The following LRP12 variants were observed in gnomAD, a reference collection of about 807,000 sequenced individuals.
LRP12 encodes LDL receptor related protein 12.
LRP12 carries 14 observed loss-of-function variants against 66.0 expected under a neutral mutation model. That is an observed-to-expected ratio of 0.21 (90% confidence interval 0.14 to 0.33). LRP12 has a LOEUF of 0.33. Among genes scored for constraint, LRP12 ranks in the 10% least tolerant of loss-of-function variants. The probability of loss-of-function intolerance (pLI) is 1.00; values close to 1 mark genes in which losing one functional copy is unlikely to be tolerated. For missense variants in LRP12, 889 were observed against 1,053.4 expected (o/e 0.84, Z 2.16); for synonymous variants, 357 against 359.1 (o/e 0.99, Z 0.07).
At chr8:104,586,504 C>A (rs1219620783) in intron 1 of LRP12, among the ~76,000 whole-genome samples, 1 of 152,192 alleles carries the variant, frequency 6.6e-6, no homozygotes, top group Non-Finnish European at 1.5e-5. Flanking sequence ...AAAACACACA[C>A]ACACTTTTTA....
intron 2 of LRP12, among the ~76,000 whole-genome samples, chr8:104,518,381 TG>T (rs1564133971): frequency 6.6e-6 from 1 of 152,006 alleles, no homozygotes; most frequent in African/African-American, 2.4e-5. Context: ...GTCTCAGAGC[TG>T]GGATGGAACC....
chr8:104,576,489 C>T (rs1454415046), intron 1 of LRP12, among the ~76,000 whole-genome samples: 2 of 152,094 alleles, frequency 1.3e-5, no homozygotes, highest in African/African-American at 4.8e-5. Flanking sequence ...AATTCCAGCC[C>T]AGAATTTCAT....
At chr8:104,495,248 G>A (rs767117777) in intron 5 of LRP12, 39 bp from the exon 6 acceptor site, 1 of 1,586,542 alleles carries the variant, frequency 6.3e-7, no homozygotes, top group Non-Finnish European at 8.6e-7. Context: ...TTAAAAGGGG[G>A]AGCGAAGAAA....
At chr8:104,579,959 C>T (rs755185760) in intron 1 of LRP12, among the ~76,000 whole-genome samples, 2 of 151,988 alleles carry the variant, frequency 1.3e-5, no homozygotes, top group Non-Finnish European at 2.9e-5. Flanking sequence ...AATATAAAAC[C>T]CAAAACTATA....
intron 6 of LRP12, 25 bp downstream of exon 6, chr8:104,495,052 A>C (rs1301163281): frequency 6.2e-7 from 1 of 1,601,756 alleles, no homozygotes; most frequent in African/African-American, 1.3e-5. Context: ...AGGAAATGTA[A>C]TAGAAATTAC....
intron 1 of LRP12, among the ~76,000 whole-genome samples, chr8:104,569,110 C>T (rs1040547348): frequency 4.6e-5 from 7 of 152,130 alleles, no homozygotes; most frequent in Non-Finnish European, 1.0e-4. Flanking sequence ...ATGTTACAGT[C>T]ATGCTATGAC....
intron 2 of LRP12, among the ~76,000 whole-genome samples, chr8:104,515,519 C>G (rs915092877): frequency 1.3e-5 from 2 of 152,066 alleles, no homozygotes; most frequent in African/African-American, 4.8e-5. Flanking sequence ...TGGTTTTTGT[C>G]TCTATTAAGC....
intron 1 of LRP12, among the ~76,000 whole-genome samples, chr8:104,541,491 A>AGCTTTATT (rs1356891832): frequency 6.6e-6 from 1 of 152,220 alleles, no homozygotes; most frequent in Non-Finnish European, 1.5e-5. Context: ...TTACAGTAAC[A>AGCTTTATT]GCTTTATTGA....
At chr8:104,506,884 A>G (rs888748275) in intron 3 of LRP12, 1 of 152,184 alleles carries the variant, frequency 6.6e-6, no homozygotes, top group African/African-American at 2.4e-5. Flanking sequence ...TCCCTCTTCT[A>G]TCCAGATTTT....
chr8:104,588,703 G>A, intron 1 of LRP12, 116 bp downstream of exon 1: 2 of 776,358 alleles, frequency 2.6e-6, no homozygotes, highest in East Asian at 3.1e-5. Context: ...TCTTTGTCCC[G>A]CCGGTAGCCA....
At chr8:104,578,383 A>T (rs1323433996) in intron 1 of LRP12, among the ~76,000 whole-genome samples, 2 of 152,214 alleles carry the variant, frequency 1.3e-5, no homozygotes, top group Non-Finnish European at 2.9e-5. Flanking sequence ...ACAAACTCTG[A>T]AATTAAGTCA....
At chr8:104,570,572 A>G (rs981518383) in intron 1 of LRP12, among the ~76,000 whole-genome samples, 2 of 152,222 alleles carry the variant, frequency 1.3e-5, no homozygotes, top group Non-Finnish European at 2.9e-5. Context: ...GTGGTTATCC[A>G]TATGCAAAAA....
intron 2 of LRP12, among the ~76,000 whole-genome samples, chr8:104,526,746 C>A (rs1345293568): frequency 4.7e-5 from 7 of 148,594 alleles, no homozygotes; most frequent in African/African-American, 1.8e-4. Flanking sequence ...AAAACCTAGG[C>A]ATTACCATTC....
At chr8:104,579,400 CTA>C in intron 1 of LRP12, among the ~76,000 whole-genome samples, 1 of 152,072 alleles carries the variant, frequency 6.6e-6, no homozygotes, top group East Asian at 1.9e-4. Context: ...AGAAGGAGAA[CTA>C]TAAAACTACG....
chr8:104,490,788 C>T lies in LRP12; in HGVS notation c.2465G>A (p.Arg822Gln), dbSNP rs755777774. 4.5e-5 allele frequency: 72 copies of T among 1,613,914 alleles called. No individual in the cohort carries two copies. The highest frequency in any genetic ancestry group is 5.7e-5 in the Non-Finnish European group (67 of 1,179,996). The change falls in exon 7 of 7, where the codon CGA becomes CAA. Residue 822 changes from arginine (R) to glutamine (Q), a missense_variant. Coordinates refer to ENST00000276654, the MANE Select transcript of LRP12 (RefSeq NM_013437.5). The part of the protein sequence containing the change: ...ATNPGVRPSN[R>Q]DGPCERCGIV... ...ACCACAGCGCTCACAGGGGCCATCTCGATTACTTGGCCTTACTCCAGGATT... is the reference window on the plus strand; with the variant it reads ...ACCACAGCGCTCACAGGGGCCATCTTGATTACTTGGCCTTACTCCAGGATT...
intron 1 of LRP12, among the ~76,000 whole-genome samples, chr8:104,553,166 G>A (rs1055121168): frequency 2.1e-4 from 32 of 152,304 alleles, no homozygotes; most frequent in African/African-American, 7.7e-4. Flanking sequence ...ACCACAGGGA[G>A]AAGGAAACTT....
intron 2 of LRP12, among the ~76,000 whole-genome samples, chr8:104,511,719 A>G (rs1460580233): frequency 1.3e-5 from 2 of 152,176 alleles, no homozygotes; most frequent in East Asian, 1.9e-4. Context: ...CAAAGCTTTA[A>G]AAGTATATTC....
chr8:104,542,048 A>G (rs1429176833), intron 1 of LRP12, among the ~76,000 whole-genome samples: 1 of 152,114 alleles, frequency 6.6e-6, no homozygotes, highest in Non-Finnish European at 1.5e-5. Flanking sequence ...TGGTATCCCT[A>G]TGTTTTCCTT....
At position 104,499,415 on chromosome 8, in the gene LRP12, A is replaced by T; in HGVS notation, c.377T>A (p.Ile126Asn). 1 of 1,613,694 alleles carries T rather than the reference A, an allele frequency of 6.2e-7. No homozygotes were observed. Among genetic ancestry groups the T allele is most frequent in the Non-Finnish European group, 8.5e-7 (1 of 1,179,628 alleles). Residue 126 changes from isoleucine to asparagine, a missense_variant, in exon 4 of 7, where the codon ATT becomes AAT. Physicochemically the swap from Ile to Asn is moderately radical, Grantham distance 149. Coordinates refer to ENST00000276654, the MANE Select transcript of LRP12 (RefSeq NM_013437.5). ...TTGTGAAGAGATATACGGAGGTGGA[A>T]TTGTGGAACCACAAGCTCTGTAACT... ...IESYRACGST[I>N]PPPYISSQDH...
Sources: allele counts gnomAD v4.1 joint callset (sites outside exome capture counted in the v4.1 genomes callset), GRCh38; gene constraint gnomAD v4.1.1; transcripts MANE v1.5; gene names NCBI Gene and HGNC (gene_info 2026-07-23, HGNC 2026-07-21).